The following CARMIL2 variants were observed in gnomAD, a reference collection of about 807,000 sequenced individuals.
The protein encoded by CARMIL2 is capping protein, Arp2/3 and myosin-I linker protein 2.
A neutral mutation model predicts 173.3 loss-of-function variants in CARMIL2; 96 were observed. That is an observed-to-expected ratio of 0.55 (90% confidence interval 0.47 to 0.66). The LOEUF is 0.66. Ranked by LOEUF, CARMIL2 falls within the 30% of genes least tolerant of loss-of-function variation. CARMIL2 has a pLI of 0.00. For missense variants in CARMIL2, 1,771 were observed against 1,906.7 expected, an observed-to-expected ratio of 0.93 and a Z score of 1.33; for synonymous variants, 830 against 817.1, an observed-to-expected ratio of 1.02 and a Z score of -0.27.
In CARMIL2 at chr16:67,649,664, T is replaced by C. The variant is rs1259455867; in HGVS notation, c.1919+45T>C. On this transcript the variant is annotated intron_variant, in intron 20 of 37. Transcript: ENST00000334583. The surrounding 1 kb of genome is among the most constrained non-coding windows in gnomAD (Gnocchi z 6.7). ...TGGGACCAGCGGGCAGGGGGCGCGGTGGAGAGGAGGGCACCGGGCTAAGGG... is the reference window on the plus strand; with the variant it reads ...TGGGACCAGCGGGCAGGGGGCGCGGCGGAGAGGAGGGCACCGGGCTAAGGG... The C allele has an allele frequency of 1.3e-6, 2 of 1,557,408 alleles. No homozygotes were observed. The highest frequency in any genetic ancestry group is 2.3e-5 in the East Asian group (1 of 44,040).
chr16:67,645,796 C>A lies in CARMIL2; in HGVS notation c.186+19C>A. On this transcript the variant is annotated intron_variant, in intron 3 of 37. Coordinates refer to ENST00000334583, the MANE Select transcript of CARMIL2 (RefSeq NM_001013838.3). ...GCTGAGGGTGAGTCCCAGGGCCTGGCCACACCCCCGCCCGCCAGCAGCTAC... is the reference window on the plus strand; with the variant it reads ...GCTGAGGGTGAGTCCCAGGGCCTGGACACACCCCCGCCCGCCAGCAGCTAC... 1 of 1,610,054 alleles carries A rather than the reference C, an allele frequency of 6.2e-7. No individual in the cohort carries two copies. The highest frequency in any genetic ancestry group is 1.1e-5 in the South Asian group (1 of 91,072).
In CARMIL2 at chr16:67,648,866, T is replaced by C. The variant is rs983231425; in HGVS notation, c.1510-27T>C. On this transcript the variant is annotated intron_variant, in intron 16 of 37. Coordinates refer to ENST00000334583, the MANE Select transcript of CARMIL2 (RefSeq NM_001013838.3). The surrounding 1 kb of genome is among the most constrained non-coding windows in gnomAD (Gnocchi z 6.1). Reference sequence around the variant, plus strand: ...CACTCGCGGCCTAAGTGGGTCCCACTTCCCACCTCCCACCTCCCACATACA... The same window carrying C: ...CACTCGCGGCCTAAGTGGGTCCCACCTCCCACCTCCCACCTCCCACATACA... The C allele has an allele frequency of 1.3e-6, 2 of 1,592,394 alleles. No homozygotes were observed. The highest frequency in any genetic ancestry group is 1.7e-6 in the Non-Finnish European group (2 of 1,170,114).
rs749062722 is a variant in CARMIL2, at chr16:67,652,035, C to T, written c.2676+27C>T. On this transcript the variant is annotated intron_variant, in intron 26 of 37. Coordinates refer to ENST00000334583, the MANE Select transcript of CARMIL2 (RefSeq NM_001013838.3). This position sits in a 1 kb window ranked among gnomAD's most constrained non-coding sequence, Gnocchi z 4.7. ...TGAGGGGGAGATGTGCACACACTTT[C>T]GTGCAAACACACACATGCAGTGACT... The T allele has an allele frequency of 1.4e-5, 23 of 1,610,408 alleles. No individual in the cohort carries two copies. Among genetic ancestry groups the T allele is most frequent in the Middle Eastern group, 1.6e-4 (1 of 6,084 alleles).
Position 67,648,915 on chromosome 16 carries a change from T to TGTATGTAA in CARMIL2, c.1533_1534insTATGTAAG (p.Ile512TyrfsTer7). 6.2e-7 allele frequency: 1 copy of TGTATGTAA among 1,608,370 alleles called. No homozygotes were observed. The highest frequency in any genetic ancestry group is 1.1e-5 in the South Asian group (1 of 90,004). Reference sequence around the variant, plus strand: ...CAGCTGCGCTCGGCCGGCGCCCAGGTGATACAAGACTTAGTGTGCGACGCA... The same window carrying TGTATGTAA: ...CAGCTGCGCTCGGCCGGCGCCCAGGTGTATGTAAGATACAAGACTTAGTGTGCGACGCA... On this transcript the variant is annotated frameshift_variant, in exon 17 of 38. Coordinates refer to ENST00000334583, the MANE Select transcript of CARMIL2 (RefSeq NM_001013838.3). LOFTEE classifies it high-confidence loss of function. This position sits in a 1 kb window ranked among gnomAD's most constrained non-coding sequence, Gnocchi z 6.1.
rs1184456427 is a variant in CARMIL2, at chr16:67,651,811, G to C, written c.2554G>C (p.Glu852Gln). The C allele has an allele frequency of 6.2e-7, 1 of 1,611,706 alleles. No individual in the cohort carries two copies. ...GAGGGGCCTCCCGGAGCTGCTCCCA[G>C]AGCAGCTGCTGCAAGATGCCTTCAC... ...GSRGLPELLP[E>Q]QLLQDAFTRL... Residue 852 changes from glutamate to glutamine, a missense_variant, in exon 25 of 38, where the codon GAG becomes CAG. Coordinates refer to ENST00000334583, the MANE Select transcript of CARMIL2 (RefSeq NM_001013838.3). The surrounding 1 kb of genome is among the most constrained non-coding windows in gnomAD (Gnocchi z 4.2).
chr16:67,648,909 C>A lies in CARMIL2; in HGVS notation c.1526C>A (p.Ala509Asp). Residue 509 changes from alanine (A) to aspartate (D), a missense_variant, in exon 17 of 38, where the codon GCC (alanine) becomes GAC (aspartate). Ala to Asp is a moderately radical substitution (Grantham distance 126, BLOSUM62 -2). Coordinates refer to ENST00000334583, the MANE Select transcript of CARMIL2 (RefSeq NM_001013838.3). This position sits in a 1 kb window ranked among gnomAD's most constrained non-coding sequence, Gnocchi z 6.1. ...LSACELRSAG[A>D]QVIQDLVCDA... ...CACATACAGCTGCGCTCGGCCGGCG[C>A]CCAGGTGATACAAGACTTAGTGTGC... 6.2e-7 allele frequency: 1 copy of A among 1,607,720 alleles called. No individual in the cohort carries two copies. Among genetic ancestry groups the A allele is most frequent in the Non-Finnish European group, 8.5e-7 (1 of 1,177,508 alleles).
chr16:67,646,329 G>A lies in CARMIL2; in HGVS notation c.374+19G>A, dbSNP rs758628703. ...CCCTTGGGTGAGGCCTGGCAAATTC[G>A]AGGGGCTGGCAGGGGAGGAGGGAGT... On this transcript the variant is annotated intron_variant, in intron 5 of 37. Coordinates refer to ENST00000334583, the MANE Select transcript of CARMIL2 (RefSeq NM_001013838.3). This position sits in a 1 kb window ranked among gnomAD's most constrained non-coding sequence, Gnocchi z 4.6. 4 of 1,611,048 alleles carry A rather than the reference G, an allele frequency of 2.5e-6. No homozygotes were observed. Among genetic ancestry groups the A allele is most frequent in the South Asian group, 1.1e-5 (1 of 90,916 alleles).
At position 67,648,639 on chromosome 16, in the gene CARMIL2, G is replaced by GC; in HGVS notation, c.1440-41dup. The GC allele has an allele frequency of 6.4e-7, 1 of 1,561,726 alleles. No homozygotes were observed. Among genetic ancestry groups the GC allele is most frequent in the African/African-American group, 1.4e-5 (1 of 73,394 alleles). ...CTGCCTCCTTCGTTCGCACCCTGGAGCCCCCTGTCCCAGCTCCCGCCACCC... is the reference window on the plus strand; with the variant it reads ...CTGCCTCCTTCGTTCGCACCCTGGAGCCCCCCTGTCCCAGCTCCCGCCACCC... On this transcript the variant is annotated intron_variant, in intron 15 of 37. Transcript: ENST00000334583. The surrounding 1 kb of genome is among the most constrained non-coding windows in gnomAD (Gnocchi z 6.1).
Position 67,652,484 on chromosome 16 carries a change from C to G in CARMIL2, c.2830C>G (p.Pro944Ala), listed in dbSNP as rs775335623. ...CCCTCCCCACCAGGATGACAGTCCT[C>G]CACAGAAATGGCCTGAGCTCAGCCA... ...EEEKEKDDSPPQKWPELSHGL... is the reference protein window; with the variant it reads ...EEEKEKDDSPAQKWPELSHGL... Residue 944 changes from proline (P) to alanine (A), a missense_variant, in exon 28 of 38, where the codon CCA becomes GCA. Physicochemically the swap from Pro to Ala is conservative, Grantham distance 27 (BLOSUM62 -1). Around this residue, in one of 3 missense-constraint regions of CARMIL2, gnomAD observed 817 missense variants for 903.5 expected, o/e 0.90. Transcript: ENST00000334583. This position sits in a 1 kb window ranked among gnomAD's most constrained non-coding sequence, Gnocchi z 4.7. The G allele has an allele frequency of 6.2e-7, 1 of 1,613,498 alleles. No homozygotes were observed. The highest frequency in any genetic ancestry group is 8.5e-7 in the Non-Finnish European group (1 of 1,179,810).
intron 3 of CARMIL2, 107 bp from the exon 4 acceptor site, chr16:67,645,911 G>A (rs1482552871): frequency 7.7e-6 from 12 of 1,561,434 alleles, no homozygotes; most frequent in African/African-American, 4.1e-5. Context: ...CAGCCGACAG[G>A]AGGGGAGTCC....
rs1270039585 is a variant in CARMIL2, at chr16:67,647,599, C to T, written c.868C>T (p.Arg290Ter). The change falls in exon 11 of 38, where the codon CGA becomes TGA. Residue 290 changes from arginine (R) to a stop codon, truncating the protein, a stop_gained. Coordinates refer to ENST00000334583, the MANE Select transcript of CARMIL2 (RefSeq NM_001013838.3). LOFTEE classifies it high-confidence loss of function. ...CCTCGCGGGGAACCTGCTGGATGAC[C>T]GAGGTATGACTGAGCCTGGGGACCG... ...LSLAGNLLDD[R>*]GMTALSRHLE... The T allele has an allele frequency of 1.9e-6, 3 of 1,609,482 alleles. No individual in the cohort carries two copies. Among genetic ancestry groups the T allele is most frequent in the Non-Finnish European group, 8.5e-7 (1 of 1,178,274 alleles).
At position 67,648,357 on chromosome 16, in the gene CARMIL2, G is replaced by T. The variant is rs1469424000; in HGVS notation, c.1335-41G>T. The T allele has an allele frequency of 2.6e-6, 4 of 1,549,672 alleles. No individual in the cohort carries two copies. Among genetic ancestry groups the T allele is most frequent in the Non-Finnish European group, 3.5e-6 (4 of 1,155,522 alleles). On this transcript the variant is annotated intron_variant, in intron 14 of 37. Transcript: ENST00000334583. The surrounding 1 kb of genome is among the most constrained non-coding windows in gnomAD (Gnocchi z 6.1). Reference sequence around the variant, plus strand: ...GGGCCGGGGGAGGCTGCTGGAAGCCGCCTCCTTGCGGCCCCAGGCCCACCT... The same window carrying T: ...GGGCCGGGGGAGGCTGCTGGAAGCCTCCTCCTTGCGGCCCCAGGCCCACCT...
Position 67,650,078 on chromosome 16 carries a change from C to G in CARMIL2, c.2112C>G (p.Arg704=). 3 of 1,613,820 alleles carry G rather than the reference C, an allele frequency of 1.9e-6. No homozygotes were observed. The highest frequency in any genetic ancestry group is 2.5e-6 in the Non-Finnish European group (3 of 1,179,852). Residue 704 remains arginine (R), a synonymous_variant, in exon 22 of 38, where the codon CGC becomes CGG. Transcript: ENST00000334583. The part of the protein sequence containing the change: ...QIQACLLRNN[R]ADPASSDHTT... Reference sequence around the variant, plus strand: ...AAGCCTGTCTCTTGAGGAACAACCGCGCAGACCCTGCCTCTTCTGACCACA... The same window carrying G: ...AAGCCTGTCTCTTGAGGAACAACCGGGCAGACCCTGCCTCTTCTGACCACA...
At position 67,652,693 on chromosome 16, in the gene CARMIL2, G is replaced by A. The variant is rs2052749542; in HGVS notation, c.2884+155G>A. Among the ~76,000 whole-genome samples the A allele has an allele frequency of 6.6e-6, 1 of 152,304 alleles. No homozygotes were observed. The highest frequency in any genetic ancestry group is 1.5e-5 in the Non-Finnish European group (1 of 67,998). On this transcript the variant is annotated intron_variant, in intron 28 of 37. Coordinates refer to ENST00000334583, the MANE Select transcript of CARMIL2 (RefSeq NM_001013838.3). The surrounding 1 kb of genome is among the most constrained non-coding windows in gnomAD (Gnocchi z 4.7). ...TCGGGCCCCTTGTGCAACCTGCAAA[G>A]CTGGGGTCTGCTGTGGTCAGCCCGG...
Position 67,650,168 on chromosome 16 carries a change from A to C in CARMIL2, c.2184+18A>C. ...CAGAGCAGGTCAATGTCCCCTCCCC[A>C]ACCACGAGAGGTAGGGCATGAGGAG... On this transcript the variant is annotated intron_variant, in intron 22 of 37. Coordinates refer to ENST00000334583, the MANE Select transcript of CARMIL2 (RefSeq NM_001013838.3). 6.3e-7 allele frequency: 1 copy of C among 1,590,578 alleles called. No homozygotes were observed. Among genetic ancestry groups the C allele is most frequent in the Non-Finnish European group, 8.6e-7 (1 of 1,165,910 alleles).
chr16:67,646,302 G>A lies in CARMIL2; in HGVS notation c.366G>A (p.Ser122=), dbSNP rs201066611. ...AAAIKKVFPR[S]TLGKLFRRPT... ...CCATCAAGAAGGTCTTCCCTCGCTC[G>A]ACCCTTGGGTGAGGCCTGGCAAATT... The change falls in exon 5 of 38, where the codon TCG becomes TCA. Residue 122 remains serine, a synonymous_variant. Transcript: ENST00000334583. The surrounding 1 kb of genome is among the most constrained non-coding windows in gnomAD (Gnocchi z 4.6). 673 of 1,613,328 alleles carry A rather than the reference G, an allele frequency of 4.2e-4. 4 individuals carry two copies. The African/African-American group carries it at 4.3e-3, about 10-fold the overall frequency.
At position 67,649,762 on chromosome 16, in the gene CARMIL2, G is replaced by A; in HGVS notation, c.1920-44G>A. On this transcript the variant is annotated intron_variant, in intron 20 of 37. Transcript: ENST00000334583. This position sits in a 1 kb window ranked among gnomAD's most constrained non-coding sequence, Gnocchi z 6.7. ...TGGACTAGGCCGAGGGTTGGGTGGG[G>A]CGTTGGGAAGCTCCGTCCCCGACTG... The A allele has an allele frequency of 6.3e-7, 1 of 1,592,140 alleles. No individual in the cohort carries two copies. Among genetic ancestry groups the A allele is most frequent in the South Asian group, 1.1e-5 (1 of 88,464 alleles).
chr16:67,645,231 C>T lies in CARMIL2; in HGVS notation c.-16C>T, dbSNP rs770611559. 6.3e-6 allele frequency: 10 copies of T among 1,578,254 alleles called. No individual in the cohort carries two copies. The Admixed American group carries it at 7.2e-5, about 11-fold the overall frequency. ...TCCCGCCGGAGCTCGTTGGGCCTCC[C>T]CGGCCCGCCCGGCCCATGGCCCAGA... On this transcript the variant is annotated 5_prime_UTR_variant, in exon 1 of 38. Coordinates refer to ENST00000334583, the MANE Select transcript of CARMIL2 (RefSeq NM_001013838.3).
At position 67,652,001 on chromosome 16, in the gene CARMIL2, A is replaced by G; in HGVS notation, c.2669A>G (p.Asp890Gly). 6.2e-7 allele frequency: 1 copy of G among 1,613,452 alleles called. No homozygotes were observed. Among genetic ancestry groups the G allele is most frequent in the Non-Finnish European group, 8.5e-7 (1 of 1,179,828 alleles). ...QALAGLSAAR[D>G]QLVESLAQQA... Reference sequence around the variant, plus strand: ...TTGGCAGGCCTGAGTGCAGCCCGGGATCAGCTGGTGAGGGGGAGATGTGCA... The same window carrying G: ...TTGGCAGGCCTGAGTGCAGCCCGGGGTCAGCTGGTGAGGGGGAGATGTGCA... The change falls in exon 26 of 38, where the codon GAT (aspartate) becomes GGT (glycine). Residue 890 changes from aspartate (D) to glycine (G), a missense_variant. Transcript: ENST00000334583. This position sits in a 1 kb window ranked among gnomAD's most constrained non-coding sequence, Gnocchi z 4.7.
Sources: gnomAD v4.1 joint callset for allele counts (sites outside exome capture counted in the v4.1 genomes callset) on GRCh38, gnomAD v4.1.1 for gene constraint, gnomAD v4.1.1 regional missense constraint, Gnocchi (gnomAD v3.1) non-coding constraint, MANE v1.5 for transcripts, NCBI Gene and HGNC (gene_info 2026-07-23, HGNC 2026-07-21) for gene names.